The following SLCO3A1 variants were observed in gnomAD, a reference collection of about 807,000 sequenced individuals.
SLCO3A1 encodes the protein PGE1 transporter.
A neutral mutation model predicts 63.1 loss-of-function variants in SLCO3A1; 27 were observed. The observed-to-expected ratio is 0.43, with a 90% confidence interval of 0.32 to 0.59. The LOEUF (loss-of-function observed/expected upper bound fraction) is 0.59, where lower values mean the gene tolerates loss of function less well. SLCO3A1 is among the 20% of genes least tolerant of loss of function. SLCO3A1 has a pLI of 0.09. For synonymous variants in SLCO3A1, 473 were observed against 409.9 expected (o/e 1.15, Z -1.86); for missense variants, 773 against 945.8 (o/e 0.82, Z 2.40).
At chr15:91,931,473 CTTTTT>C (rs36006689) in intron 2 of SLCO3A1, among the ~76,000 whole-genome samples, 1 of 142,742 alleles carries the variant, frequency 7.0e-6, no homozygotes. Flanking sequence ...TGGGTTGTAT[CTTTTT>C]TTTTTTTTTT....
At position 91,863,362 on chromosome 15, in the gene SLCO3A1, G is replaced by T. The variant is rs1186202319; in HGVS notation, c.180+9274G>T. Among the ~76,000 whole-genome samples, 2 of 152,236 alleles carry T rather than the reference G, an allele frequency of 1.3e-5. 1 individual carries two copies. The highest frequency in any genetic ancestry group is 6.3e-3 in the Middle Eastern group (2 of 316). ...GGTCACTGTAGCTTTCAGGGTGGTG[G>T]AGGGCAGGGCCCCCTTAAGGTTGGC... On this transcript the variant is annotated intron_variant, in intron 1 of 9. Transcript: ENST00000318445. The surrounding 1 kb of genome is among the most constrained non-coding windows in gnomAD (Gnocchi z 4.3).
downstream of SLCO3A1, among the ~76,000 whole-genome samples, chr15:92,167,278 G>A (rs2048498784): frequency 6.6e-6 from 1 of 152,144 alleles, no homozygotes; most frequent in South Asian, 2.1e-4. Context: ...GGCTCCACTG[G>A]GCTCACGCCA....
intron 1 of SLCO3A1, among the ~76,000 whole-genome samples, chr15:91,868,102 A>C (rs916643888): frequency 2.6e-5 from 4 of 151,574 alleles, no homozygotes; most frequent in Admixed American, 6.6e-5. Flanking sequence ...CCCAGGCTGG[A>C]GTGCATTGGT....
chr15:92,162,612 G>T, intron 9 of SLCO3A1, 144 bp from the exon 10 acceptor site: 2 of 1,330,602 alleles, frequency 1.5e-6, no homozygotes, highest in Non-Finnish European at 1.0e-6. Context: ...ACAAACTCAT[G>T]CGCTTTGCCT....
chr15:91,870,886 T>G (rs1897264949), intron 1 of SLCO3A1, among the ~76,000 whole-genome samples: 1 of 152,092 alleles, frequency 6.6e-6, no homozygotes, highest in Non-Finnish European at 1.5e-5. Flanking sequence ...TTTTTTTCCC[T>G]TTTTTAGATG....
intron 2 of SLCO3A1, among the ~76,000 whole-genome samples, chr15:91,974,959 G>C (rs1450452988): frequency 6.6e-6 from 1 of 152,158 alleles, no homozygotes; most frequent in Admixed American, 6.6e-5. Context: ...AGCTTCTGGG[G>C]TTCCTCTGTG....
chr15:91,999,536 A>G (rs1230165195), intron 2 of SLCO3A1, among the ~76,000 whole-genome samples: 2 of 152,226 alleles, frequency 1.3e-5, no homozygotes, highest in Non-Finnish European at 2.9e-5. Context: ...AATTAAAACA[A>G]TACAAAGAGA....
At chr15:92,127,701 T>G (rs2047942176) in intron 6 of SLCO3A1, among the ~76,000 whole-genome samples, 1 of 152,226 alleles carries the variant, frequency 6.6e-6, no homozygotes, top group Non-Finnish European at 1.5e-5. Flanking sequence ...TTGCTCTAGA[T>G]AACTTTGCCT....
At chr15:92,090,810 T>A (rs905429373) in intron 2 of SLCO3A1, among the ~76,000 whole-genome samples, 1 of 152,186 alleles carries the variant, frequency 6.6e-6, no homozygotes, top group African/African-American at 2.4e-5. Context: ...TAACAAACCC[T>A]TCCCTGGGTC....
intron 7 of SLCO3A1, among the ~76,000 whole-genome samples, chr15:92,129,482 G>A (rs2047966801): frequency 6.6e-6 from 1 of 152,064 alleles, no homozygotes; most frequent in Non-Finnish European, 1.5e-5. Flanking sequence ...TATCTTTGGG[G>A]TTTTTCTCCC....
At chr15:91,855,327 T>A (rs1896889508) in intron 1 of SLCO3A1, among the ~76,000 whole-genome samples, 1 of 152,206 alleles carries the variant, frequency 6.6e-6, no homozygotes, top group Non-Finnish European at 1.5e-5. Context: ...ATACAAGCAG[T>A]GCTTGGTCTC....
At chr15:91,963,632 T>A (rs1900544568) in intron 2 of SLCO3A1, among the ~76,000 whole-genome samples, 1 of 152,148 alleles carries the variant, frequency 6.6e-6, no homozygotes, top group Non-Finnish European at 1.5e-5. Context: ...CCGTGGACCT[T>A]CGCGGTGAGT....
At chr15:92,148,309 A>G (rs547133246) in intron 8 of SLCO3A1, among the ~76,000 whole-genome samples, 4 of 152,302 alleles carry the variant, frequency 2.6e-5, no homozygotes, top group East Asian at 1.9e-4. Flanking sequence ...AATGAAACGC[A>G]TGGAAGTACC....
At chr15:91,984,705 T>C (rs539019449) in intron 2 of SLCO3A1, among the ~76,000 whole-genome samples, 4 of 152,292 alleles carry the variant, frequency 2.6e-5, no homozygotes, top group East Asian at 3.9e-4. Flanking sequence ...TCTCAAGACA[T>C]AGAGATATTT....
intron 3 of SLCO3A1, among the ~76,000 whole-genome samples, chr15:92,102,602 C>T (rs1357596897): frequency 6.6e-6 from 1 of 152,144 alleles, no homozygotes; most frequent in Non-Finnish European, 1.5e-5. Context: ...TCCAGGCTTA[C>T]ACTGTCCCCT....
chr15:91,895,220 C>T (rs763065388), intron 1 of SLCO3A1, among the ~76,000 whole-genome samples: 79 of 152,192 alleles, frequency 5.2e-4, no homozygotes, highest in Non-Finnish European at 8.8e-4. Context: ...GCTAGTAACA[C>T]AGTGCACTTT....
chr15:91,997,006 G>C (rs1265938739), intron 2 of SLCO3A1, among the ~76,000 whole-genome samples: 2 of 152,144 alleles, frequency 1.3e-5, no homozygotes, highest in Non-Finnish European at 2.9e-5. Flanking sequence ...CCTAGCCAGA[G>C]CAATTAGGCA....
At chr15:91,873,531 T>C (rs1268540020) in intron 1 of SLCO3A1, among the ~76,000 whole-genome samples, 1 of 146,668 alleles carries the variant, frequency 6.8e-6, no homozygotes, top group Non-Finnish European at 1.5e-5. Flanking sequence ...GCTACATTCA[T>C]ACACACACAC....
At position 91,856,678 on chromosome 15, in the gene SLCO3A1, T is replaced by G. The variant is rs2141830048; in HGVS notation, c.180+2590T>G. Among the ~76,000 whole-genome samples, 1 of 152,288 alleles carries G rather than the reference T, an allele frequency of 6.6e-6. No individual in the cohort carries two copies. Among genetic ancestry groups the G allele is most frequent in the Non-Finnish European group, 1.5e-5 (1 of 68,022 alleles). ...CAGGGCAGGGTCCACGTGCTAAGTG[T>G]GCGTTATACGTGATCCTTACCTTGG... On this transcript the variant is annotated intron_variant, in intron 1 of 9. Transcript: ENST00000318445. This position sits in a 1 kb window ranked among gnomAD's most constrained non-coding sequence, Gnocchi z 4.9.
Sources: gnomAD v4.1 joint callset for allele counts (sites outside exome capture counted in the v4.1 genomes callset) on GRCh38, gnomAD v4.1.1 for gene constraint, Gnocchi (gnomAD v3.1) non-coding constraint, MANE v1.5 for transcripts, NCBI Gene and HGNC (gene_info 2026-07-23, HGNC 2026-07-21) for gene names.